Variants in SLCO1B1 observed in about 807,000 individuals in gnomAD.
SLCO1B1 encodes OATP-2.
In SLCO1B1, 81 loss-of-function variants were observed where a neutral mutation model predicts 70.1. The ratio of observed to expected loss-of-function variants is 1.16; its 90% CI spans 0.97 to 1.39. The LOEUF is 1.39. Ranked by LOEUF, SLCO1B1 falls within the 40% of genes most tolerant of loss-of-function variation. SLCO1B1 has a pLI of 0.00. For synonymous variants in SLCO1B1, 283 were observed against 271.5 expected, an observed-to-expected ratio of 1.04 and a Z score of -0.42; for missense variants, 895 against 799.6, an observed-to-expected ratio of 1.12 and a Z score of -1.44.
chr12:21,144,290 C>CA (rs891526190), intron 2 of SLCO1B1, among the ~76,000 whole-genome samples: 1 of 151,808 alleles, frequency 6.6e-6, no homozygotes, highest in Non-Finnish European at 1.5e-5. Context: ...TAGTAATTAA[C>CA]AACAAAATAG....
chr12:21,213,559 C>T (rs1161816633), intron 11 of SLCO1B1, among the ~76,000 whole-genome samples: 3 of 137,290 alleles, frequency 2.2e-5, no homozygotes, highest in Admixed American at 7.3e-5. Context: ...TTGCTCTTCT[C>T]AAGGAGTATC....
chr12:21,197,406 A>C (rs1262011065), intron 8 of SLCO1B1, among the ~76,000 whole-genome samples: 1 of 152,124 alleles, frequency 6.6e-6, no homozygotes, highest in Non-Finnish European at 1.5e-5. Context: ...ACTTTTTAGC[A>C]GGGAGAAACC....
At chr12:21,161,708 A>G (rs922219962) in intron 2 of SLCO1B1, among the ~76,000 whole-genome samples, 13 of 152,152 alleles carry the variant, frequency 8.5e-5, no homozygotes, top group African/African-American at 3.1e-4. Context: ...TTTAGTAATC[A>G]TAAATGTCAA....
intron 2 of SLCO1B1, among the ~76,000 whole-genome samples, chr12:21,144,800 A>G (rs1028236020): frequency 2.6e-5 from 4 of 152,188 alleles, no homozygotes; most frequent in African/African-American, 9.6e-5. Flanking sequence ...TAAGAATTTT[A>G]TATTCTGCCA....
At chr12:21,177,916 C>T (rs1299315340) in intron 5 of SLCO1B1, among the ~76,000 whole-genome samples, 2 of 151,864 alleles carry the variant, frequency 1.3e-5, no homozygotes, top group African/African-American at 4.8e-5. Flanking sequence ...TACCATTTAA[C>T]AATATGAACT....
chr12:21,147,169 C>T (rs928113092), intron 2 of SLCO1B1, among the ~76,000 whole-genome samples: 1 of 152,042 alleles, frequency 6.6e-6, no homozygotes, highest in Non-Finnish European at 1.5e-5. Flanking sequence ...TTTTGTAATG[C>T]CCCGTTTTTA....
At chr12:21,175,259 C>T (rs1275641598) in intron 4 of SLCO1B1, among the ~76,000 whole-genome samples, 1 of 152,094 alleles carries the variant, frequency 6.6e-6, no homozygotes, top group Non-Finnish European at 1.5e-5. Flanking sequence ...GTCTTGGCTT[C>T]ATGATCCAAA....
chr12:21,205,762 TTTTCCC>T, intron 10 of SLCO1B1, 100 bp from the exon 11 acceptor site: 15 of 753,354 alleles, frequency 2.0e-5, no homozygotes, highest in Non-Finnish European at 2.3e-5. Flanking sequence ...TATCTACTTT[TTTTCCC>T]TCTTTCTCTG....
chr12:21,145,407 G>A (rs1334126104), intron 2 of SLCO1B1, among the ~76,000 whole-genome samples: 2 of 148,184 alleles, frequency 1.3e-5, no homozygotes, highest in Non-Finnish European at 3.0e-5. Flanking sequence ...CCAGGCTCAA[G>A]TGATTCTCCC....
At chr12:21,138,375 A>G (rs1591795036) in intron 1 of SLCO1B1, among the ~76,000 whole-genome samples, 1 of 152,330 alleles carries the variant, frequency 6.6e-6, no homozygotes, top group African/African-American at 2.4e-5. Context: ...TCTTATAAAC[A>G]AATGGTGTCC....
At chr12:21,148,448 T>A (rs1940417954) in intron 2 of SLCO1B1, among the ~76,000 whole-genome samples, 1 of 152,016 alleles carries the variant, frequency 6.6e-6, no homozygotes, top group African/African-American at 2.4e-5. Context: ...TTTCCCAACA[T>A]CATATATATT....
chr12:21,170,782 TTTATC>T (rs1303102299), intron 2 of SLCO1B1, among the ~76,000 whole-genome samples: 1 of 152,222 alleles, frequency 6.6e-6, no homozygotes, highest in Non-Finnish European at 1.5e-5. Context: ...TTGAATTCCT[TTTATC>T]TTCATTGATA....
intron 7 of SLCO1B1, among the ~76,000 whole-genome samples, chr12:21,190,226 C>A (rs562907857): frequency 6.6e-6 from 1 of 152,282 alleles, no homozygotes; most frequent in East Asian, 1.9e-4. Context: ...TTTGACCATC[C>A]GTACACGTGA....
At chr12:21,201,066 C>CACAAAAATAGTGACA (rs1941152129) in intron 9 of SLCO1B1, among the ~76,000 whole-genome samples, 2 of 151,896 alleles carry the variant, frequency 1.3e-5, no homozygotes, top group Non-Finnish European at 2.9e-5. Context: ...ACTAATAGTT[C>CACAAAAATAGTGACA]CAAAAAGAGT....
chr12:21,157,599 A>AT (rs1591802585), intron 2 of SLCO1B1, among the ~76,000 whole-genome samples: 4 of 142,268 alleles, frequency 2.8e-5, no homozygotes, highest in African/African-American at 8.3e-5. Flanking sequence ...AAGACTGTAA[A>AT]ATTTTTTTTT....
intron 4 of SLCO1B1, among the ~76,000 whole-genome samples, chr12:21,175,960 G>A (rs1940814421): frequency 6.6e-6 from 1 of 151,970 alleles, no homozygotes; most frequent in Non-Finnish European, 1.5e-5. Context: ...TATTTCTACA[G>A]CCTTGAATAC....
rs142808569 is a variant in SLCO1B1 at position 21,149,997 on chromosome 12, A to T, written c.84+8339A>T. Among the ~76,000 whole-genome samples the T allele has an allele frequency of 4.2e-3, 643 of 152,054 alleles. 6 individuals carry two copies. Among genetic ancestry groups the T allele is most frequent in the African/African-American group, 0.015 (623 of 41,472 alleles). ...CCGAGCAGTCTGAAGTCAACCCGGGATGCTCGAGCTTGGTAGGGGGAGGGG... is the reference window on the plus strand; with the variant it reads ...CCGAGCAGTCTGAAGTCAACCCGGGTTGCTCGAGCTTGGTAGGGGGAGGGG... On this transcript the variant is annotated intron_variant, in intron 2 of 14. Transcript: ENST00000256958.
intron 7 of SLCO1B1, among the ~76,000 whole-genome samples, chr12:21,196,479 A>G (rs116955325): frequency 2.4e-3 from 369 of 152,244 alleles, no homozygotes; most frequent in Non-Finnish European, 4.4e-3. Context: ...AGAGTTGGAA[A>G]TGCTTATTTC....
chr12:21,156,312 A>C (rs1290300751), intron 2 of SLCO1B1, among the ~76,000 whole-genome samples: 1 of 152,114 alleles, frequency 6.6e-6, no homozygotes, highest in African/African-American at 2.4e-5. Flanking sequence ...GATACTAAAC[A>C]AAGAATTTAT....
Sources: allele counts gnomAD v4.1 joint callset (sites outside exome capture counted in the v4.1 genomes callset), GRCh38; gene constraint gnomAD v4.1.1; transcripts MANE v1.5; gene names NCBI Gene and HGNC (gene_info 2026-07-23, HGNC 2026-07-21).